KCNK2: variants seen among roughly 807,000 people sequenced by gnomAD.
KCNK2 encodes the protein potassium two pore domain channel subfamily K member 2.
KCNK2 carries 21 observed loss-of-function variants against 40.5 expected under a neutral mutation model. The ratio of observed to expected loss-of-function variants is 0.52; its 90% CI spans 0.37 to 0.75. KCNK2 has a LOEUF of 0.75. Among genes scored for constraint, KCNK2 ranks in the 30% least tolerant of loss-of-function variants. The probability of loss-of-function intolerance (pLI) is 0.00; values close to 1 mark genes in which losing one functional copy is unlikely to be tolerated. For synonymous variants in KCNK2, 191 were observed against 202.2 expected (o/e 0.94, Z 0.47); for missense variants, 399 against 531.6 (o/e 0.75, Z 2.45).
intron 1 of KCNK2, among the ~76,000 whole-genome samples, chr1:215,047,535 T>G (rs1266573916): frequency 6.6e-6 from 1 of 152,082 alleles, no homozygotes; most frequent in Admixed American, 6.6e-5. Flanking sequence ...TAATCATAAC[T>G]TCATGATTAA....
chr1:215,227,602 G>T (rs1558148822), intron 6 of KCNK2, among the ~76,000 whole-genome samples: 1 of 152,246 alleles, frequency 6.6e-6, no homozygotes, highest in East Asian at 1.9e-4. Context: ...GTTTTATGCA[G>T]GGGAAAGTAC....
chr1:215,208,931 A>G (rs1363116365), intron 6 of KCNK2, among the ~76,000 whole-genome samples: 1 of 151,714 alleles, frequency 6.6e-6, no homozygotes, highest in African/African-American at 2.4e-5. Flanking sequence ...GGGTTCAAGC[A>G]ATTCTCCTGT....
intron 5 of KCNK2, among the ~76,000 whole-genome samples, chr1:215,175,376 A>G (rs2102641982): frequency 6.6e-6 from 1 of 152,286 alleles, no homozygotes; most frequent in East Asian, 1.9e-4. Context: ...TATTTAATGA[A>G]GGGAATATAA....
At chr1:215,093,644 T>G (rs1282293951) in intron 2 of KCNK2, among the ~76,000 whole-genome samples, 1 of 101,584 alleles carries the variant, frequency 9.8e-6, no homozygotes, top group East Asian at 2.6e-4. Flanking sequence ...ATACAATATA[T>G]AATATAGAAT....
chr1:215,136,304 C>T (rs537580517), intron 3 of KCNK2, among the ~76,000 whole-genome samples: 72 of 151,584 alleles, frequency 4.7e-4, no homozygotes, highest in Middle Eastern at 3.4e-3. Flanking sequence ...ATCATGTTGC[C>T]CAGGCTTGTC....
At chr1:215,134,836 T>C (rs1661830184) in intron 3 of KCNK2, among the ~76,000 whole-genome samples, 1 of 152,060 alleles carries the variant, frequency 6.6e-6, no homozygotes. Context: ...GTAACCCTTT[T>C]GCTCTAGAAA....
intron 6 of KCNK2, among the ~76,000 whole-genome samples, chr1:215,227,213 A>T (rs1666418658): frequency 6.6e-6 from 1 of 152,196 alleles, no homozygotes; most frequent in Non-Finnish European, 1.5e-5. Flanking sequence ...TCAGACTAGT[A>T]ATTGTAGTAA....
intron 1 of KCNK2, among the ~76,000 whole-genome samples, chr1:215,056,438 G>A (rs2102503658): frequency 7.2e-6 from 1 of 138,854 alleles, no homozygotes; most frequent in East Asian, 2.2e-4. Flanking sequence ...CTGGGAGATG[G>A]AGGTTGCAGG....
chr1:215,191,488 C>G (rs188855162), intron 5 of KCNK2, among the ~76,000 whole-genome samples: 4 of 151,996 alleles, frequency 2.6e-5, no homozygotes, highest in Admixed American at 2.6e-4. Context: ...CTTTCCTGAG[C>G]TATATTTTTT....
intron 1 of KCNK2, among the ~76,000 whole-genome samples, chr1:215,024,388 A>G (rs1330186136): frequency 6.6e-6 from 1 of 152,338 alleles, no homozygotes; most frequent in Admixed American, 6.5e-5. Context: ...CCAGTATTGC[A>G]GGAGCCCAGT....
chr1:215,153,492 C>T (rs1662774370), intron 3 of KCNK2, among the ~76,000 whole-genome samples: 3 of 151,914 alleles, frequency 2.0e-5, no homozygotes, highest in African/African-American at 7.3e-5. Flanking sequence ...CTGGGTCTTT[C>T]TTTACTGTCT....
At chr1:215,074,364 A>G (rs1244014006) in intron 1 of KCNK2, among the ~76,000 whole-genome samples, 2 of 152,214 alleles carry the variant, frequency 1.3e-5, no homozygotes, top group Non-Finnish European at 2.9e-5. Flanking sequence ...GTTAATGAAC[A>G]CATTTAAAAA....
intron 1 of KCNK2, among the ~76,000 whole-genome samples, chr1:215,052,320 A>G (rs1658020277): frequency 6.6e-6 from 1 of 152,226 alleles, no homozygotes; most frequent in South Asian, 2.1e-4. Context: ...ACTTGATTGC[A>G]GTTTTAAAAA....
At chr1:215,183,967 G>A (rs768504218) in intron 5 of KCNK2, among the ~76,000 whole-genome samples, 1 of 152,146 alleles carries the variant, frequency 6.6e-6, no homozygotes, top group Non-Finnish European at 1.5e-5. Flanking sequence ...TGAAGATGGG[G>A]ACACTTTTAT....
At chr1:215,017,003 C>A (rs1247003587) in intron 1 of KCNK2, among the ~76,000 whole-genome samples, 3 of 151,968 alleles carry the variant, frequency 2.0e-5, no homozygotes. Flanking sequence ...TTAACATCAC[C>A]AATCATTAGG....
At chr1:215,130,022 A>G (rs184132597) in intron 3 of KCNK2, among the ~76,000 whole-genome samples, 61 of 152,220 alleles carry the variant, frequency 4.0e-4, no homozygotes, top group African/African-American at 1.4e-3. Context: ...ACCATGTCTG[A>G]GTTTATGCTA....
At chr1:215,101,627 A>G (rs986376264) in intron 2 of KCNK2, among the ~76,000 whole-genome samples, 17 of 152,034 alleles carry the variant, frequency 1.1e-4, no homozygotes, top group Admixed American at 6.6e-4. Context: ...TTCAAAAGAA[A>G]TAGACAATTG....
rs184554848 is a variant in KCNK2 at position 215,204,177 on chromosome 1, C to A, written c.963+9085C>A. On this transcript the variant is annotated intron_variant, in intron 6 of 6. Transcript: ENST00000444842. ...GTCTTGCTGTCTCTATTGAGGTAGA[C>A]CCTGTCTGGATTCTTCCTTTTATTA... 3.9e-3 allele frequency among the ~76,000 whole-genome samples: 574 copies of A among 148,692 alleles called. 7 individuals are homozygous for A. Among genetic ancestry groups the A allele is most frequent in the Non-Finnish European group, 4.6e-3 (312 of 67,530 alleles).
At chr1:215,086,775 G>A in intron 2 of KCNK2, 97 bp downstream of exon 2, 1 of 1,117,512 alleles carries the variant, frequency 8.9e-7, no homozygotes, top group Admixed American at 2.0e-5. Context: ...CAGGTGTGCT[G>A]GTGGGAGCCC....
Sources: gnomAD v4.1 joint callset for allele counts (sites outside exome capture counted in the v4.1 genomes callset) on GRCh38, gnomAD v4.1.1 for gene constraint, MANE v1.5 for transcripts, NCBI Gene and HGNC (gene_info 2026-07-23, HGNC 2026-07-21) for gene names.